The following POU6F2 variants were observed in gnomAD, a reference collection of about 807,000 sequenced individuals.
The protein encoded by POU6F2 is POU domain, class 6, transcription factor 2.
A neutral mutation model predicts 71.3 loss-of-function variants in POU6F2; 31 were observed. That is an observed-to-expected ratio of 0.43 (90% confidence interval 0.33 to 0.59). The LOEUF is 0.59. Among genes scored for constraint, POU6F2 ranks in the 20% least tolerant of loss-of-function variants. POU6F2 has a pLI of 0.04. For synonymous variants in POU6F2, 347 were observed against 355.7 expected (o/e 0.98, Z 0.27); for missense variants, 783 against 856.8 (o/e 0.91, Z 1.07).
intron 2 of POU6F2, among the ~76,000 whole-genome samples, chr7:39,173,775 A>G (rs958715974): frequency 3.9e-4 from 59 of 151,994 alleles, no homozygotes; most frequent in African/African-American, 1.4e-3. Flanking sequence ...GGCCTACACT[A>G]TTTCCTCCTG....
At chr7:39,438,294 G>A (rs1165721740) in intron 7 of POU6F2, among the ~76,000 whole-genome samples, 4 of 152,160 alleles carry the variant, frequency 2.6e-5, no homozygotes, top group Admixed American at 2.0e-4. Flanking sequence ...TTTTGTGGCT[G>A]CATAGTATTC....
intron 2 of POU6F2, among the ~76,000 whole-genome samples, chr7:39,133,049 A>G (rs1373080000): frequency 6.6e-6 from 1 of 152,226 alleles, no homozygotes; most frequent in Non-Finnish European, 1.5e-5. Flanking sequence ...CGCTCATAAA[A>G]CATCACATTC....
chr7:39,379,465 C>T (rs576287786), intron 5 of POU6F2, among the ~76,000 whole-genome samples: 2 of 152,294 alleles, frequency 1.3e-5, no homozygotes, highest in African/African-American at 4.8e-5. Flanking sequence ...CCTGCACCCA[C>T]CTGCCTGCAG....
intron 2 of POU6F2, among the ~76,000 whole-genome samples, chr7:39,199,249 T>C (rs370205090): frequency 6.6e-6 from 1 of 152,184 alleles, no homozygotes; most frequent in South Asian, 2.1e-4. Flanking sequence ...TCTGTTCCTT[T>C]CTCAATCTGC....
rs530822829 is a variant in POU6F2 at position 39,102,188 on chromosome 7, A to G, written c.277+16157A>G. On this transcript the variant is annotated intron_variant, in intron 2 of 9. Coordinates refer to ENST00000518318, the MANE Select transcript of POU6F2 (RefSeq NM_001370959.1). Reference sequence around the variant, plus strand: ...TTGACGTGCTGTCTAAGTCGCTTATAATGAATTTATTGAGAGGTTAATTTA... The same window carrying G: ...TTGACGTGCTGTCTAAGTCGCTTATGATGAATTTATTGAGAGGTTAATTTA... Among the ~76,000 whole-genome samples, 20 of 152,316 alleles carry G rather than the reference A, an allele frequency of 1.3e-4. 1 individual carries two copies. Among genetic ancestry groups the G allele is most frequent in the Middle Eastern group, 3.4e-3 (1 of 294 alleles).
Position 39,464,976 on chromosome 7 carries a change from C to T in POU6F2, c.*290C>T, listed in dbSNP as rs1421054826. On this transcript the variant is annotated 3_prime_UTR_variant, in exon 10 of 10. Coordinates refer to ENST00000518318, the MANE Select transcript of POU6F2 (RefSeq NM_001370959.1). This position sits in a 1 kb window ranked among gnomAD's most constrained non-coding sequence, Gnocchi z 4.1. ...TAGTTCCCTTCCCCCACCTGTCTCCCCCAAAGCCAGTTTTTTAATGGACTT... is the reference window on the plus strand; with the variant it reads ...TAGTTCCCTTCCCCCACCTGTCTCCTCCAAAGCCAGTTTTTTAATGGACTT... The T allele has an allele frequency of 1.4e-5, 5 of 346,796 alleles. No homozygotes were observed. The highest frequency in any genetic ancestry group is 1.0e-4 in the African/African-American group (5 of 48,054). 21.5% of individuals were successfully genotyped at this position (346,796 alleles called of 1,614,324 possible).
chr7:39,107,039 C>CTTT (rs70977458), intron 2 of POU6F2, among the ~76,000 whole-genome samples: 40 of 130,866 alleles, frequency 3.1e-4, no homozygotes, highest in East Asian at 1.1e-3. Flanking sequence ...TTCTTTCTTT[C>CTTT]TTTTTTTTTT....
chr7:39,190,363 T>A (rs1373544018), intron 2 of POU6F2, among the ~76,000 whole-genome samples: 1 of 135,526 alleles, frequency 7.4e-6, no homozygotes, highest in African/African-American at 2.8e-5. Flanking sequence ...CACAAGAACT[T>A]GACCAGCCTC....
At chr7:39,048,936 C>T (rs760403030) in intron 1 of POU6F2, among the ~76,000 whole-genome samples, 1 of 151,906 alleles carries the variant, frequency 6.6e-6, no homozygotes, top group African/African-American at 2.4e-5. Flanking sequence ...TCAGTTTGCT[C>T]ATTTCTGTCT....
At chr7:39,440,514 G>A (rs1166484694) in intron 7 of POU6F2, among the ~76,000 whole-genome samples, 1 of 152,172 alleles carries the variant, frequency 6.6e-6, no homozygotes, top group Non-Finnish European at 1.5e-5. Context: ...AAGTTCTTGT[G>A]CAGTGTTTTT....
chr7:39,265,268 A>C (rs1372710307), intron 4 of POU6F2, among the ~76,000 whole-genome samples: 1 of 152,150 alleles, frequency 6.6e-6, no homozygotes, highest in Admixed American at 6.6e-5. Context: ...CTGCTCGGCC[A>C]TACCCCAAGC....
At chr7:39,215,400 A>G (rs1794220230) in intron 4 of POU6F2, among the ~76,000 whole-genome samples, 1 of 152,220 alleles carries the variant, frequency 6.6e-6, no homozygotes, top group South Asian at 2.1e-4. Context: ...TCTTTTTAAT[A>G]GAAAAAGAAA....
chr7:39,102,623 A>AATAT (rs749207949), intron 2 of POU6F2, among the ~76,000 whole-genome samples: 1 of 151,334 alleles, frequency 6.6e-6, no homozygotes, highest in Non-Finnish European at 1.5e-5. Context: ...GACAGAGGTA[A>AATAT]ATATATATAT....
At chr7:39,218,008 T>C (rs748764954) in intron 4 of POU6F2, among the ~76,000 whole-genome samples, 9 of 152,162 alleles carry the variant, frequency 5.9e-5, no homozygotes, top group Non-Finnish European at 1.3e-4. Context: ...GCATTTATTT[T>C]CAAAGCAAAA....
At chr7:39,221,629 C>CA (rs1794363860) in intron 4 of POU6F2, among the ~76,000 whole-genome samples, 1 of 152,014 alleles carries the variant, frequency 6.6e-6, no homozygotes, top group Non-Finnish European at 1.5e-5. Flanking sequence ...CTCAGTGATC[C>CA]ACTCACCTCG....
chr7:39,223,705 G>GTA (rs1794411075), intron 4 of POU6F2, among the ~76,000 whole-genome samples: 1 of 152,162 alleles, frequency 6.6e-6, no homozygotes, highest in Non-Finnish European at 1.5e-5. Context: ...CCATGCCAGA[G>GTA]TATTGCCTTA....
At chr7:39,018,114 T>C (rs1046575339) in intron 1 of POU6F2, among the ~76,000 whole-genome samples, 17 of 152,146 alleles carry the variant, frequency 1.1e-4, no homozygotes, top group Admixed American at 6.6e-5. Context: ...TGAACTCTTT[T>C]AGTTGCAAAT....
chr7:39,189,533 G>A (rs938308468), intron 2 of POU6F2, among the ~76,000 whole-genome samples: 7 of 152,006 alleles, frequency 4.6e-5, no homozygotes, highest in African/African-American at 1.7e-4. Context: ...CGAGTAGCTG[G>A]GACTACAGGC....
At chr7:38,996,242 T>C (rs144247277) in intron 1 of POU6F2, among the ~76,000 whole-genome samples, 1,966 of 152,062 alleles carry the variant, frequency 0.013, 50 homozygotes, top group Admixed American at 0.038. Flanking sequence ...GGTTTCACCA[T>C]GTTGGCCAGG....
Sources: allele counts gnomAD v4.1 joint callset (sites outside exome capture counted in the v4.1 genomes callset), GRCh38; gene constraint gnomAD v4.1.1; non-coding constraint Gnocchi (gnomAD v3.1); transcripts MANE v1.5; gene names NCBI Gene and HGNC (gene_info 2026-07-23, HGNC 2026-07-21).